Variants in RALGAPA1 observed in about 807,000 individuals in gnomAD.
The protein encoded by RALGAPA1 is ral GTPase-activating protein subunit alpha-1.
Under a neutral mutation model 269.6 loss-of-function variants are expected in RALGAPA1, and 52 were observed. The ratio of observed to expected loss-of-function variants is 0.19; its 90% confidence interval spans 0.15 to 0.24. RALGAPA1 has a LOEUF of 0.24. Among genes scored for constraint, RALGAPA1 ranks in the 10% least tolerant of loss-of-function variants. The pLI, the probability that RALGAPA1 is intolerant of heterozygous loss-of-function variation, is 1.00. For missense variants in RALGAPA1, 1,917 were observed against 3,013.9 expected, an observed-to-expected ratio of 0.64 and a Z score of 8.52; for synonymous variants, 817 against 1,008.3, an observed-to-expected ratio of 0.81 and a Z score of 3.60.
At chr14:35,584,220 G>C (rs1280064374) in intron 37 of RALGAPA1, among the ~76,000 whole-genome samples, 1 of 152,072 alleles carries the variant, frequency 6.6e-6, no homozygotes, top group Non-Finnish European at 1.5e-5. Context: ...GGAAAGGAGG[G>C]ATTAGGAATA....
chr14:35,804,494 G>A (rs1209930297), intron 1 of RALGAPA1, among the ~76,000 whole-genome samples: 2 of 151,758 alleles, frequency 1.3e-5, no homozygotes, highest in African/African-American at 4.8e-5. Context: ...GCTTGAACCC[G>A]GGAGGCAGAG....
intron 35 of RALGAPA1, among the ~76,000 whole-genome samples, chr14:35,610,479 T>A (rs2059863658): frequency 6.6e-6 from 1 of 152,086 alleles, no homozygotes; most frequent in Non-Finnish European, 1.5e-5. Context: ...AGATGGGGTT[T>A]CACCGTGTTA....
chr14:35,739,043 A>C (rs2071309466), intron 11 of RALGAPA1, among the ~76,000 whole-genome samples: 1 of 83,602 alleles, frequency 1.2e-5, no homozygotes, highest in Admixed American at 1.6e-4. Context: ...TAAATGACAA[A>C]AAAAAAAAGG....
At chr14:35,679,458 C>A (rs1034372096) in intron 21 of RALGAPA1, among the ~76,000 whole-genome samples, 3 of 152,190 alleles carry the variant, frequency 2.0e-5, no homozygotes, top group Non-Finnish European at 4.4e-5. Flanking sequence ...GCCTAGCCTA[C>A]CCTAAACATG....
At chr14:35,602,576 C>A (rs1430587319) in intron 36 of RALGAPA1, among the ~76,000 whole-genome samples, 4 of 152,150 alleles carry the variant, frequency 2.6e-5, no homozygotes, top group Non-Finnish European at 5.9e-5. Context: ...GGATGTTGAG[C>A]ACCTTTTCAT....
chr14:35,638,523 TCAC>T (rs901679669), intron 31 of RALGAPA1, among the ~76,000 whole-genome samples: 16 of 150,308 alleles, frequency 1.1e-4, no homozygotes, highest in African/African-American at 3.9e-4. Context: ...CCAGAGAAAA[TCAC>T]CTTCACTAAA....
At chr14:35,686,088 T>A (rs182187022) in intron 19 of RALGAPA1, among the ~76,000 whole-genome samples, 21 of 151,748 alleles carry the variant, frequency 1.4e-4, no homozygotes, top group East Asian at 5.8e-4. Context: ...CACAAGCAGA[T>A]CTTGAGACAA....
rs533323928 is a variant in RALGAPA1, at chr14:35,808,357, G to T, written c.106+373C>A. On this transcript the variant is annotated intron_variant, in intron 1 of 41. Coordinates refer to ENST00000680220, the MANE Select transcript of RALGAPA1 (RefSeq NM_001346249.2). ...ATTAAGGTTTATATTGTCTGAGAGA[G>T]GATTTTATTTTTCTTTTTACTTGGG... 2.0e-5 allele frequency among the ~76,000 whole-genome samples: 3 copies of T among 152,076 alleles called. No individual in the cohort carries two copies. The South Asian group carries it at 6.2e-4, about 32-fold the overall frequency.
intron 1 of RALGAPA1, among the ~76,000 whole-genome samples, chr14:35,806,270 C>A (rs1229565260): frequency 6.6e-6 from 1 of 152,048 alleles, no homozygotes; most frequent in Admixed American, 6.6e-5. Context: ...TAAGTCAATA[C>A]CCACTATATG....
At chr14:35,606,369 T>C (rs1023481702) in intron 35 of RALGAPA1, among the ~76,000 whole-genome samples, 1 of 152,202 alleles carries the variant, frequency 6.6e-6, no homozygotes, top group Non-Finnish European at 1.5e-5. Flanking sequence ...GTAGGAATAC[T>C]GTAGGCAATT....
intron 26 of RALGAPA1, among the ~76,000 whole-genome samples, chr14:35,670,395 T>G (rs1037862115): frequency 1.1e-4 from 17 of 152,338 alleles, no homozygotes; most frequent in Non-Finnish European, 1.9e-4. Context: ...TCATTTACAC[T>G]TTGCTCCAGA....
chr14:35,719,869 G>A (rs968948066), intron 16 of RALGAPA1, among the ~76,000 whole-genome samples: 3 of 151,998 alleles, frequency 2.0e-5, no homozygotes, highest in Non-Finnish European at 4.4e-5. Context: ...TCCTGCCTCA[G>A]CCTCCCGAGC....
chr14:35,783,772 C>T (rs2075614169), intron 1 of RALGAPA1, among the ~76,000 whole-genome samples: 2 of 152,006 alleles, frequency 1.3e-5, no homozygotes, highest in Admixed American at 6.6e-5. Context: ...TATATTTCTC[C>T]TAAGAAGATA....
chr14:35,765,645 C>A, intron 4 of RALGAPA1: 1 of 233,578 alleles, frequency 4.3e-6, no homozygotes, highest in Non-Finnish European at 8.4e-6. Flanking sequence ...CAGGTGCACA[C>A]TACCACACCC....
chr14:35,580,005 TTAAAA>T (rs2057851347), intron 37 of RALGAPA1, among the ~76,000 whole-genome samples: 1 of 152,192 alleles, frequency 6.6e-6, no homozygotes, highest in African/African-American at 2.4e-5. Flanking sequence ...AAAAACAGAT[TTAAAA>T]TAAAAAATCA....
intron 37 of RALGAPA1, among the ~76,000 whole-genome samples, chr14:35,575,893 C>T (rs181873111): frequency 3.3e-5 from 5 of 152,186 alleles, no homozygotes; most frequent in Admixed American, 1.3e-4. Flanking sequence ...CGTGCCTGGC[C>T]CCCATTTCAT....
intron 33 of RALGAPA1, among the ~76,000 whole-genome samples, chr14:35,634,187 A>G (rs1001519468): frequency 2.0e-5 from 3 of 152,144 alleles, no homozygotes; most frequent in African/African-American, 7.2e-5. Context: ...CTGAAATCCA[A>G]AAATTTTGAG....
chr14:35,573,642 A>G (rs1213821428), intron 37 of RALGAPA1, among the ~76,000 whole-genome samples: 1 of 152,142 alleles, frequency 6.6e-6, no homozygotes, highest in African/African-American at 2.4e-5. Flanking sequence ...AAAGAACTTA[A>G]TATCTGATTT....
At chr14:35,754,830 C>G (rs1471703858) in intron 7 of RALGAPA1, among the ~76,000 whole-genome samples, 1 of 152,056 alleles carries the variant, frequency 6.6e-6, no homozygotes, top group Non-Finnish European at 1.5e-5. Flanking sequence ...CTGGTGCATC[C>G]CCTACAATGG....
Sources: allele counts gnomAD v4.1 joint callset (sites outside exome capture counted in the v4.1 genomes callset), GRCh38; gene constraint gnomAD v4.1.1; transcripts MANE v1.5; gene names NCBI Gene and HGNC (gene_info 2026-07-23, HGNC 2026-07-21).